Variants in MAN2C1 observed in about 807,000 individuals in gnomAD.
MAN2C1 encodes alpha-mannosidase 2C1.
MAN2C1 carries 111 observed loss-of-function variants against 126.9 expected under a neutral mutation model. The observed-to-expected ratio is 0.87, with a 90% CI of 0.75 to 1.02. The LOEUF is 1.02. Among genes scored for constraint, MAN2C1 ranks in the 50% least tolerant of loss-of-function variants. The probability of loss-of-function intolerance (pLI) is 0.00; values close to 1 mark genes in which losing one functional copy is unlikely to be tolerated. For missense variants in MAN2C1, 1,363 were observed against 1,364.4 expected (o/e 1.00, Z 0.02); for synonymous variants, 567 against 561.5 (o/e 1.01, Z -0.14).
At chr15:75,358,923 C>G (rs1567274883) in intron 18 of MAN2C1, 115 bp from the exon 19 acceptor site, 21 of 1,407,442 alleles carry the variant, frequency 1.5e-5, no homozygotes, top group Non-Finnish European at 1.9e-5. Context: ...ACTGCCCAGC[C>G]TGCCCTGCTC....
Position 75,359,392 on chromosome 15 carries a change from G to T in MAN2C1, c.1982C>A (p.Pro661His). Reference protein sequence around the residue: ...LVTVPSMGYAPVPPPTSLQPL... With the variant: ...LVTVPSMGYAHVPPPTSLQPL... ...CTGCAGTGAGGTGGGGGGAGGAACA[G>T]GAGCATAGCCCATGCTGGGCACTGT... Residue 661 changes from proline to histidine, a missense_variant, in exon 17 of 26, where the codon CCT becomes CAT. Pro to His is a moderately conservative substitution (Grantham distance 77). Transcript: ENST00000267978. 1 of 1,610,040 alleles carries T rather than the reference G, an allele frequency of 6.2e-7. No homozygotes were observed.
In MAN2C1 at chr15:75,356,953, C is replaced by T. The variant is rs762450123; in HGVS notation, c.2548-51G>A. ...TGGTGGCCCTGTGCCCCTCTTTGTG[C>T]TCCCAGACTCCAGAGCTCCTGTCAC... On this transcript the variant is annotated intron_variant, in intron 21 of 25. Transcript: ENST00000267978. This position sits in a 1 kb window ranked among gnomAD's most constrained non-coding sequence, Gnocchi z 5.8. 11 of 1,452,898 alleles carry T rather than the reference C, an allele frequency of 7.6e-6. No individual in the cohort carries two copies. The African/African-American group carries it at 1.1e-4, about 15-fold the overall frequency. The allele number at this position is 1,452,898 out of a possible 1,614,324, so 90.0% of individuals were successfully genotyped here.
rs766524476 is a variant in MAN2C1 at position 75,362,405 on chromosome 15, G to T, written c.946C>A (p.Arg316Ser). The change falls in exon 8 of 26, where the codon CGC (arginine) becomes AGC (serine). Residue 316 changes from arginine (R) to serine (S), a missense_variant. This residue lies in a region of MAN2C1 where 628 missense variants were observed against 609.8 expected (regional missense o/e 1.03). Coordinates refer to ENST00000267978, the MANE Select transcript of MAN2C1 (RefSeq NM_006715.4). The surrounding 1 kb of genome is among the most constrained non-coding windows in gnomAD (Gnocchi z 4.5). ...CCACGGCACGCAAACTCCTGGATGC[G>T]GGAGTACAGGCCAGGGTAGCGGCTC... ...VKSRYPGLYS[R>S]IQEFACRGQF... 3.7e-6 allele frequency: 6 copies of T among 1,613,706 alleles called. No homozygotes were observed. Among genetic ancestry groups the T allele is most frequent in the Non-Finnish European group, 5.1e-6 (6 of 1,179,984 alleles).
Position 75,355,837 on chromosome 15 carries a change from T to G in MAN2C1, c.*69A>C. 6.3e-7 allele frequency: 1 copy of G among 1,580,946 alleles called. No individual in the cohort carries two copies. The highest frequency in any genetic ancestry group is 8.6e-7 in the Non-Finnish European group (1 of 1,156,244). ...TCCACAAGAAAAGACTGATCCCTGC[T>G]TTAGGCTGGGGAAGCAGAAATTAGG... On this transcript the variant is annotated 3_prime_UTR_variant, in exon 26 of 26. Transcript: ENST00000267978.
chr15:75,364,384 C>T lies in MAN2C1; in HGVS notation c.600+104G>A, dbSNP rs867626813. ...CAACCCTCAAGCAGGTGGAAACCCTCGTCCTACTCTGGATTCCCAGAGTCC... is the reference window on the plus strand; with the variant it reads ...CAACCCTCAAGCAGGTGGAAACCCTTGTCCTACTCTGGATTCCCAGAGTCC... On this transcript the variant is annotated intron_variant, in intron 5 of 25. Coordinates refer to ENST00000267978, the MANE Select transcript of MAN2C1 (RefSeq NM_006715.4). 1.5e-5 allele frequency: 20 copies of T among 1,352,466 alleles called. No homozygotes were observed. In the Middle Eastern group the frequency reaches 1.1e-3, roughly 72 times the overall value. The allele number at this position is 1,352,466 out of a possible 1,614,324, so 83.8% of individuals were successfully genotyped here.
At position 75,367,060 on chromosome 15, in the gene MAN2C1, C is replaced by G. The variant is rs188386255; in HGVS notation, c.351+451G>C. ...TCTGCCTTCTTGTAGCCAGGAAGAA[C>G]AGTCTTAACCCCAGATTGAGAGTCA... On this transcript the variant is annotated intron_variant, in intron 3 of 25. Coordinates refer to ENST00000267978, the MANE Select transcript of MAN2C1 (RefSeq NM_006715.4). Among the ~76,000 whole-genome samples the G allele has an allele frequency of 3.9e-5, 6 of 152,254 alleles. No homozygotes were observed. In the East Asian group the frequency reaches 9.6e-4, roughly 24 times the overall value.
At position 75,356,165 on chromosome 15, in the gene MAN2C1, C is replaced by T. The variant is rs758117457; in HGVS notation, c.2941G>A (p.Gly981Ser). ...SLVLRLYEAHGSHVDCWLHLS... is the reference protein window; with the variant it reads ...SLVLRLYEAHSSHVDCWLHLS... ...TGCAGCCAGCAGTCCACGTGGCTGC[C>T]GTGGGCCTCATACAGCCTCAGGACC... The change falls in exon 25 of 26, where the codon GGC becomes AGC. Residue 981 changes from glycine (G) to serine (S), a missense_variant. Transcript: ENST00000267978. This position sits in a 1 kb window ranked among gnomAD's most constrained non-coding sequence, Gnocchi z 5.8. 1.3e-5 allele frequency: 21 copies of T among 1,613,486 alleles called. 1 individual carries two copies. Among genetic ancestry groups the T allele is most frequent in the Middle Eastern group, 3.3e-4 (2 of 6,078 alleles).
At position 75,362,531 on chromosome 15, in the gene MAN2C1, T is replaced by G; in HGVS notation, c.898-78A>C. 1 of 1,515,128 alleles carries G rather than the reference T, an allele frequency of 6.6e-7. No homozygotes were observed. The highest frequency in any genetic ancestry group is 9.0e-7 in the Non-Finnish European group (1 of 1,106,084). The allele number at this position is 1,515,128 out of a possible 1,614,324, so 93.9% of individuals were successfully genotyped here. On this transcript the variant is annotated intron_variant, in intron 7 of 25. Transcript: ENST00000267978. The surrounding 1 kb of genome is among the most constrained non-coding windows in gnomAD (Gnocchi z 4.5). ...GACTGAGCATATGGGACTCAGTGTG[T>G]GGCTGAGGGTGAGGAGCAGCCCTGA...
In MAN2C1 at chr15:75,361,765, G is replaced by A; in HGVS notation, c.1102-45C>T. The stretch of plus-strand genomic sequence containing the variant: ...TGGAGTGCAGGAACCAGAGCTCCAG[G>A]CGGACTCACCCCAGCCTCAGCCCCT... On this transcript the variant is annotated intron_variant, in intron 9 of 25. Transcript: ENST00000267978. The surrounding 1 kb of genome is among the most constrained non-coding windows in gnomAD (Gnocchi z 5.0). 2 of 1,594,904 alleles carry A rather than the reference G, an allele frequency of 1.3e-6. No homozygotes were observed. The highest frequency in any genetic ancestry group is 8.6e-7 in the Non-Finnish European group (1 of 1,162,858).
chr15:75,358,482 A>C lies in MAN2C1; in HGVS notation c.2383T>G (p.Tyr795Asp). The change falls in exon 20 of 26, where the codon TAT (tyrosine) becomes GAT (aspartate). Residue 795 changes from tyrosine (Y) to aspartate (D), a missense_variant. This residue lies in a region of MAN2C1 where 668 missense variants were observed against 650.1 expected (regional missense o/e 1.03). Coordinates refer to ENST00000267978, the MANE Select transcript of MAN2C1 (RefSeq NM_006715.4). ...ACTACCTCGGTGTGGAAGCGGACAT[A>C]GGGGCAGCCAACGTCCAGCACAACC... ...QEVVLDVGCPYVRFHTEVHWH... is the reference protein window; with the variant it reads ...QEVVLDVGCPDVRFHTEVHWH... The C allele has an allele frequency of 6.2e-7, 1 of 1,613,564 alleles. No individual in the cohort carries two copies. Among genetic ancestry groups the C allele is most frequent in the East Asian group, 2.2e-5 (1 of 44,874 alleles).
intron 2 of MAN2C1, 102 bp downstream of exon 2, chr15:75,367,971 T>C: frequency 7.1e-7 from 1 of 1,408,418 alleles, no homozygotes; most frequent in Non-Finnish European, 9.5e-7. Flanking sequence ...CGATCCCACG[T>C]AGTTGTCTAC....
chr15:75,360,087 G>T lies in MAN2C1; in HGVS notation c.1706+3C>A. The T allele has an allele frequency of 6.2e-7, 1 of 1,614,000 alleles. No individual in the cohort carries two copies. Among genetic ancestry groups the T allele is most frequent in the South Asian group, 1.1e-5 (1 of 91,078 alleles). On this transcript the variant is annotated splice_donor_region_variant and intron_variant, in intron 14 of 25. Coordinates refer to ENST00000267978, the MANE Select transcript of MAN2C1 (RefSeq NM_006715.4). Reference sequence around the variant, plus strand: ...TGGATGGCAGGGACAGAACTGGGCTGACCTCCAGAGGTGCTGCAGCTGGGC... The same window carrying T: ...TGGATGGCAGGGACAGAACTGGGCTTACCTCCAGAGGTGCTGCAGCTGGGC...
chr15:75,368,252 G>T (rs1009045291), intron 1 of MAN2C1, 54 bp from the exon 2 acceptor site: 1 of 1,541,086 alleles, frequency 6.5e-7, no homozygotes, highest in East Asian at 2.4e-5. Context: ...TTTCCGCCTG[G>T]GGGCCAGCTG....
rs1172845990 is a variant in MAN2C1, at chr15:75,356,323, A to ACCG, written c.2861_2863dup (p.Ala954dup). On this transcript the variant is annotated inframe_insertion, in exon 24 of 26. Coordinates refer to ENST00000267978, the MANE Select transcript of MAN2C1 (RefSeq NM_006715.4). This position sits in a 1 kb window ranked among gnomAD's most constrained non-coding sequence, Gnocchi z 5.8. ...TGCCTGCTTGACGGTCTCCAATACG[A>ACCG]CCGCGGGTGAAGACACGGAAAACGC... 1 of 1,611,254 alleles carries ACCG rather than the reference A, an allele frequency of 6.2e-7. No individual in the cohort carries two copies. The highest frequency in any genetic ancestry group is 1.1e-5 in the South Asian group (1 of 90,762).
At chr15:75,366,483 T>C in intron 4 of MAN2C1, 39 bp downstream of exon 4, 1 of 1,587,780 alleles carries the variant, frequency 6.3e-7, no homozygotes, top group Non-Finnish European at 8.6e-7. Context: ...TGGTACTCCC[T>C]CCCTGACAGC....
chr15:75,361,891 G>A lies in MAN2C1; in HGVS notation c.1065C>T (p.Asn355=). 6.2e-7 allele frequency: 1 copy of A among 1,614,118 alleles called. No individual in the cohort carries two copies. The highest frequency in any genetic ancestry group is 8.5e-7 in the Non-Finnish European group (1 of 1,180,022). Residue 355 remains asparagine, a synonymous_variant, in exon 9 of 26, where the codon AAC becomes AAT. Transcript: ENST00000267978. This position sits in a 1 kb window ranked among gnomAD's most constrained non-coding sequence, Gnocchi z 5.0. ...TCTTCCCAAACTCCTGCAGAAAGAA[G>A]TTCTGGCCCTGCAAAAACTGCCTCA... ...AMVRQFLQGQ[N]FFLQEFGKMC...
chr15:75,356,431 C>A lies in MAN2C1; in HGVS notation c.2756G>T (p.Gly919Val), dbSNP rs1309614675. 1 of 1,604,258 alleles carries A rather than the reference C, an allele frequency of 6.2e-7. No individual in the cohort carries two copies. The highest frequency in any genetic ancestry group is 1.1e-5 in the South Asian group (1 of 89,154). Reference sequence around the variant, plus strand: ...TAGGCTGTAGGCAGCTTGGATAACGCCAGCATCCTGGAAAGAGCCTGGGGT... The same window carrying A: ...TAGGCTGTAGGCAGCTTGGATAACGACAGCATCCTGGAAAGAGCCTGGGGT... Reference protein sequence around the residue: ...MPHKGSFQDAGVIQAAYSLNF... With the variant: ...MPHKGSFQDAVVIQAAYSLNF... The change falls in exon 24 of 26, where the codon GGC becomes GTC. Residue 919 changes from glycine to valine, a missense_variant. By Grantham distance (109) the Gly-to-Val change is moderately radical. This residue lies in a region of MAN2C1 where 668 missense variants were observed against 650.1 expected (regional missense o/e 1.03). Transcript: ENST00000267978. This position sits in a 1 kb window ranked among gnomAD's most constrained non-coding sequence, Gnocchi z 5.8.
chr15:75,358,662 TC>T (rs1567274113), intron 19 of MAN2C1, 41 bp downstream of exon 19: 2 of 1,331,064 alleles, frequency 1.5e-6, no homozygotes, highest in Admixed American at 4.4e-5. Context: ...CAGCCTGTGT[TC>T]CCACCACCTC....
chr15:75,358,157 G>A (rs1455834206), intron 21 of MAN2C1, 44 bp downstream of exon 21: 2 of 1,610,188 alleles, frequency 1.2e-6, no homozygotes, highest in Non-Finnish European at 1.7e-6. Flanking sequence ...AGTCTCCCCA[G>A]CCAGGGAGGA....
Sources: allele counts gnomAD v4.1 joint callset (sites outside exome capture counted in the v4.1 genomes callset), GRCh38; gene constraint gnomAD v4.1.1; regional missense constraint gnomAD v4.1.1; non-coding constraint Gnocchi (gnomAD v3.1); transcripts MANE v1.5; gene names NCBI Gene and HGNC (gene_info 2026-07-23, HGNC 2026-07-21).